Variants in NUP58 observed in about 807,000 individuals in gnomAD.
The protein encoded by NUP58 is nucleoporin 58.
Under a neutral mutation model 70.1 loss-of-function variants are expected in NUP58, and 17 were observed. That is an observed-to-expected ratio of 0.24 (90% CI 0.17 to 0.36). NUP58 has a LOEUF of 0.36. Among genes scored for constraint, NUP58 ranks in the 10% least tolerant of loss-of-function variants. The pLI is 1.00. For synonymous variants in NUP58, 275 were observed against 257.6 expected (o/e 1.07, Z -0.65); for missense variants, 644 against 701.5 (o/e 0.92, Z 0.93).
chr13:25,307,211 A>ATTTTTTTTTTTTTTTTT lies in NUP58; in HGVS notation c.108-590_108-574dup, dbSNP rs72132780. Reference sequence around the variant, plus strand: ...TGCTTTTCTTGAAATCTGGTATTGTATTTTTTTTTTTTTTTTTTTTTGAGA... The same window carrying ATTTTTTTTTTTTTTTTT: ...TGCTTTTCTTGAAATCTGGTATTGTATTTTTTTTTTTTTTTTTTTTTTTTTTTTTTTTTTTTTTGAGA... On this transcript the variant is annotated intron_variant, in intron 1 of 15. Transcript: ENST00000381736. Among the ~76,000 whole-genome samples, 2 of 98,606 alleles carry ATTTTTTTTTTTTTTTTT rather than the reference A, an allele frequency of 2.0e-5. 1 individual carries two copies. The highest frequency in any genetic ancestry group is 3.8e-5 in the Non-Finnish European group (2 of 52,942). The allele number at this position is 98,606 out of a possible 152,430, so 64.7% of individuals were successfully genotyped here.
chr13:25,301,816 A>G lies in NUP58; in HGVS notation c.43A>G (p.Thr15Ala), dbSNP rs1301570796. Reference sequence around the variant, plus strand: ...CTTCGGGTCCGGGACTCTGGGCTCCACCACCGTGGCCGCCGGCGGGACCAG... The same window carrying G: ...CTTCGGGTCCGGGACTCTGGGCTCCGCCACCGTGGCCGCCGGCGGGACCAG... Reference protein sequence around the residue: ...FSFGSGTLGSTTVAAGGTSTG... With the variant: ...FSFGSGTLGSATVAAGGTSTG... The change falls in exon 1 of 16, where the codon ACC (threonine) becomes GCC (alanine). Residue 15 changes from threonine to alanine, a missense_variant. Around this residue, in one of 4 missense-constraint regions of NUP58, gnomAD observed 430 missense variants for 409.2 expected, o/e 1.05. Coordinates refer to ENST00000381736, the MANE Select transcript of NUP58 (RefSeq NM_014089.4). The G allele has an allele frequency of 1.9e-6, 3 of 1,613,610 alleles. No homozygotes were observed. The highest frequency in any genetic ancestry group is 1.7e-5 in the Admixed American group (1 of 59,970).
At position 25,321,101 on chromosome 13, in the gene NUP58, A is replaced by T; in HGVS notation, c.951+8A>T. 2 of 1,568,794 alleles carry T rather than the reference A, an allele frequency of 1.3e-6. No homozygotes were observed. The highest frequency in any genetic ancestry group is 2.3e-5 in the East Asian group (1 of 43,080). ...AAAATAGAAACTGCTCAGGTATACC[A>T]ACTTATGGCCATTTTACCGTAGGGT... is the stretch of plus-strand genomic sequence containing the variant. On this transcript the variant is annotated splice_region_variant and intron_variant, in intron 9 of 15. Coordinates refer to ENST00000381736, the MANE Select transcript of NUP58 (RefSeq NM_014089.4).
rs139625236 is a variant in NUP58, at chr13:25,336,159, C to T, written c.1436-777C>T. ...AATTGAAATCTTGAATGTATTGAAT[C>T]TGTCAAGGTACACAGCGGTGCCTTT... On this transcript the variant is annotated intron_variant, in intron 13 of 15. Transcript: ENST00000381736. 16 of 1,342,886 alleles carry T rather than the reference C, an allele frequency of 1.2e-5. No homozygotes were observed. In the Admixed American group the frequency reaches 3.2e-4, roughly 26 times the overall value. 83.2% of individuals were successfully genotyped at this position (1,342,886 alleles called of 1,614,324 possible).
intron 3 of NUP58, among the ~76,000 whole-genome samples, chr13:25,311,673 CTT>C (rs149489423): frequency 0.037 from 4,545 of 121,860 alleles, 152 homozygotes; most frequent in African/African-American, 0.095. Flanking sequence ...CGGCACCTGT[CTT>C]TTTTTTTTTT....
chr13:25,329,903 G>A (rs750823585), intron 12 of NUP58, among the ~76,000 whole-genome samples: 4 of 152,054 alleles, frequency 2.6e-5, no homozygotes, highest in African/African-American at 4.8e-5. Context: ...ACTCATTGCA[G>A]CCTCAATCTC....
chr13:25,324,158 G>C (rs1323130829), intron 9 of NUP58, among the ~76,000 whole-genome samples: 1 of 152,138 alleles, frequency 6.6e-6, no homozygotes, highest in African/African-American at 2.4e-5. Flanking sequence ...GTACTGGAGT[G>C]GGGTGGGATG....
intron 5 of NUP58, among the ~76,000 whole-genome samples, chr13:25,314,791 T>C (rs758749180): frequency 6.6e-5 from 10 of 152,206 alleles, no homozygotes; most frequent in Non-Finnish European, 1.0e-4. Context: ...TAATGACTTA[T>C]GATTAACCGT....
downstream of NUP58, among the ~76,000 whole-genome samples, chr13:25,346,230 G>GCTGGGTCCTCAC: frequency 6.6e-6 from 1 of 152,174 alleles, no homozygotes; most frequent in Admixed American, 6.5e-5. Flanking sequence ...AACTCATTTA[G>GCTGGGTCCTCAC]TCCTCAATCC....
rs1178244502 is a variant in NUP58, at chr13:25,339,973, A to G, written c.1639A>G (p.Ser547Gly). The G allele has an allele frequency of 1.1e-5, 17 of 1,596,230 alleles. No individual in the cohort carries two copies. The highest frequency in any genetic ancestry group is 1.4e-5 in the Non-Finnish European group (16 of 1,174,118). ...PSGSLSAGFG[S>G]SSTSGFNFSN... The stretch of plus-strand genomic sequence containing the variant: ...TTTTCCCTAAACATAAGGCTTTGGC[A>G]GCTCAAGTACATCTGGGTTTAACTT... Residue 547 changes from serine (S) to glycine (G), a missense_variant, in exon 16 of 16, where the codon AGC (serine) becomes GGC (glycine). By Grantham distance (56) the Ser-to-Gly change is moderately conservative. Coordinates refer to ENST00000381736, the MANE Select transcript of NUP58 (RefSeq NM_014089.4).
intron 12 of NUP58, among the ~76,000 whole-genome samples, chr13:25,330,010 G>A (rs984627851): frequency 6.6e-6 from 1 of 152,064 alleles, no homozygotes; most frequent in African/African-American, 2.4e-5. Context: ...TTAACTTTTT[G>A]TAGAGAGGGG....
chr13:25,327,464 A>C lies in NUP58; in HGVS notation c.1185A>C (p.Thr395=). 3 of 1,611,128 alleles carry C rather than the reference A, an allele frequency of 1.9e-6. No individual in the cohort carries two copies. In the East Asian group the frequency reaches 6.7e-5, roughly 36 times the overall value. Residue 395 remains threonine, a synonymous_variant, in exon 12 of 16, where the codon ACA becomes ACC. Coordinates refer to ENST00000381736, the MANE Select transcript of NUP58 (RefSeq NM_014089.4). ...LSMAMQKIYQ[T]FVALAAQLQS... ...TGGCTATGCAGAAAATTTATCAAAC[A>C]TTTGTAGCTTTAGCGGCACAACTTC...
Position 25,318,356 on chromosome 13 carries a change from G to C in NUP58, c.686-970G>C, listed in dbSNP as rs913344571. Among the ~76,000 whole-genome samples the C allele has an allele frequency of 3.9e-5, 6 of 152,074 alleles. 1 individual carries two copies. The highest frequency in any genetic ancestry group is 1.4e-4 in the African/African-American group (6 of 41,414). Reference sequence around the variant, plus strand: ...AATAAAAAAAAAATTTGTAGCCACAGGGTTTTGCCCTGTTGCCCAGGCTGG... The same window carrying C: ...AATAAAAAAAAAATTTGTAGCCACACGGTTTTGCCCTGTTGCCCAGGCTGG... On this transcript the variant is annotated intron_variant, in intron 6 of 15. Transcript: ENST00000381736.
chr13:25,321,078 A>G lies in NUP58; in HGVS notation c.936A>G (p.Lys312=). ...QRNTLNIDKL[K]IETAQELKNA... is the part of the protein sequence containing the mutation. Reference sequence around the variant, plus strand: ...ACACTCTCAACATTGACAAATTGAAAATAGAAACTGCTCAGGTATACCAAC... The same window carrying G: ...ACACTCTCAACATTGACAAATTGAAGATAGAAACTGCTCAGGTATACCAAC... Residue 312 remains lysine (K), a synonymous_variant, in exon 9 of 16, where the codon AAA becomes AAG. Coordinates refer to ENST00000381736, the MANE Select transcript of NUP58 (RefSeq NM_014089.4). The G allele has an allele frequency of 6.3e-7, 1 of 1,587,158 alleles. No individual in the cohort carries two copies. The highest frequency in any genetic ancestry group is 2.3e-5 in the East Asian group (1 of 43,800).
chr13:25,319,796 A>G (rs149198592), intron 7 of NUP58, among the ~76,000 whole-genome samples: 1,715 of 152,196 alleles, frequency 0.011, 45 homozygotes, highest in African/African-American at 0.039. Flanking sequence ...TCTTCTTATT[A>G]CCAATTATAT....
Position 25,315,462 on chromosome 13 carries a change from A to G in NUP58, c.680A>G (p.Lys227Arg). Residue 227 changes from lysine to arginine, a missense_variant, in exon 6 of 16, where the codon AAA (lysine) becomes AGA (arginine). By Grantham distance (26) the Lys-to-Arg change is conservative. Around this residue, in one of 4 missense-constraint regions of NUP58, gnomAD observed 430 missense variants for 409.2 expected, o/e 1.05. Coordinates refer to ENST00000381736, the MANE Select transcript of NUP58 (RefSeq NM_014089.4). Reference protein sequence around the residue: ...GGIDFSSSSDKKSDKTGTRPE... With the variant: ...GGIDFSSSSDRKSDKTGTRPE... The stretch of plus-strand genomic sequence containing the variant: ...ATAGATTTCAGTAGCTCCTCAGATA[A>G]AAAGAGTAAGTAATGCTGTTGTAAC... The G allele has an allele frequency of 1.2e-6, 2 of 1,603,360 alleles. No individual in the cohort carries two copies. The highest frequency in any genetic ancestry group is 1.7e-6 in the Non-Finnish European group (2 of 1,170,638).
At chr13:25,306,648 A>G (rs2030377965) in intron 1 of NUP58, among the ~76,000 whole-genome samples, 1 of 152,200 alleles carries the variant, frequency 6.6e-6, no homozygotes, top group South Asian at 2.1e-4. Context: ...TGTAGGATAA[A>G]GAGAATTTGC....
chr13:25,313,546 A>G (rs1300734702), intron 4 of NUP58, 68 bp from the exon 5 acceptor site: 8 of 1,331,594 alleles, frequency 6.0e-6, no homozygotes, highest in Non-Finnish European at 5.9e-6. Flanking sequence ...AAAACATCGT[A>G]TTTGTATTTT....
chr13:25,322,084 GT>G, intron 9 of NUP58, among the ~76,000 whole-genome samples: 1 of 152,094 alleles, frequency 6.6e-6, no homozygotes, highest in East Asian at 1.9e-4. Context: ...TTGTGTTGTA[GT>G]TACCGTAATT....
intron 3 of NUP58, among the ~76,000 whole-genome samples, chr13:25,310,678 G>T (rs746553654): frequency 2.7e-4 from 41 of 151,968 alleles, no homozygotes; most frequent in Non-Finnish European, 4.7e-4. Context: ...GTTTTCTGAG[G>T]TTGTAACCCC....
Sources: allele counts gnomAD v4.1 joint callset (sites outside exome capture counted in the v4.1 genomes callset), GRCh38; gene constraint gnomAD v4.1.1; regional missense constraint gnomAD v4.1.1; transcripts MANE v1.5; gene names NCBI Gene and HGNC (gene_info 2026-07-23, HGNC 2026-07-21).